EPB41L2: variants seen among roughly 807,000 people sequenced by gnomAD.
EPB41L2 encodes erythrocyte membrane protein band 4.1 like 2.
EPB41L2 carries 43 observed loss-of-function variants against 113.0 expected under a neutral mutation model. The ratio of observed to expected loss-of-function variants is 0.38; its 90% CI spans 0.30 to 0.49. The LOEUF (loss-of-function observed/expected upper bound fraction) is 0.49. Ranked by LOEUF, EPB41L2 falls within the 20% of genes least tolerant of loss-of-function variation. EPB41L2 has a pLI of 0.95. For missense variants in EPB41L2, 1,147 were observed against 1,223.4 expected (o/e 0.94, Z 0.93); for synonymous variants, 442 against 436.7 (o/e 1.01, Z -0.15).
intron 1 of EPB41L2, among the ~76,000 whole-genome samples, chr6:131,032,698 G>T (rs1263839662): frequency 1.3e-5 from 2 of 152,140 alleles, no homozygotes; most frequent in Non-Finnish European, 2.9e-5. Flanking sequence ...AAAACTGTAT[G>T]AAAGAGGATG....
At position 131,007,353 on chromosome 6, in the gene EPB41L2, C is replaced by T. The variant is rs77454684; in HGVS notation, c.-14-50854G>A. ...CCGTAACTTTGTTTCCTGAGGCTTC[C>T]CCAGCCAAATGGAACTGTGAGTCAA... On this transcript the variant is annotated intron_variant, in intron 1 of 19. Coordinates refer to ENST00000337057, the MANE Select transcript of EPB41L2 (RefSeq NM_001431.4). Among the ~76,000 whole-genome samples the T allele has an allele frequency of 2.7e-3, 411 of 152,250 alleles. 1 individual carries two copies. The highest frequency in any genetic ancestry group is 9.3e-3 in the African/African-American group (388 of 41,530).
chr6:130,903,630 C>G (rs1796905510), intron 6 of EPB41L2, among the ~76,000 whole-genome samples: 2 of 151,870 alleles, frequency 1.3e-5, no homozygotes, highest in African/African-American at 4.8e-5. Flanking sequence ...TTGTACTTGA[C>G]CATGTAAGTA....
chr6:130,882,559 G>A (rs1352062199), intron 12 of EPB41L2: 1 of 152,672 alleles, frequency 6.5e-6, no homozygotes, highest in African/African-American at 2.4e-5. Context: ...TCAAGTCACA[G>A]TCATAAGAAA....
intron 1 of EPB41L2, among the ~76,000 whole-genome samples, chr6:130,962,847 A>G (rs1239383806): frequency 2.0e-5 from 3 of 152,028 alleles, no homozygotes; most frequent in African/African-American, 7.2e-5. Flanking sequence ...GGTAGCTTCT[A>G]TTGGTCTAGG....
intron 18 of EPB41L2, among the ~76,000 whole-genome samples, chr6:130,862,335 C>T (rs1782393073): frequency 6.6e-6 from 1 of 152,024 alleles, no homozygotes; most frequent in Non-Finnish European, 1.5e-5. Flanking sequence ...GGGAGAAGAC[C>T]CTAGTTTGCA....
intron 12 of EPB41L2, among the ~76,000 whole-genome samples, chr6:130,884,885 T>C (rs1285994541): frequency 1.3e-5 from 2 of 152,236 alleles, no homozygotes; most frequent in African/African-American, 4.8e-5. Context: ...GTAAATTACT[T>C]ACTTGCATTA....
chr6:130,864,657 G>A (rs2128437794), intron 17 of EPB41L2, among the ~76,000 whole-genome samples: 1 of 152,324 alleles, frequency 6.6e-6, no homozygotes, highest in South Asian at 2.1e-4. Context: ...TCAGTCACAA[G>A]TGACAGCATT....
chr6:130,966,530 C>T (rs550623624), intron 1 of EPB41L2, among the ~76,000 whole-genome samples: 13 of 152,232 alleles, frequency 8.5e-5, no homozygotes, highest in Admixed American at 2.6e-4. Flanking sequence ...CACATACACA[C>T]ACACATTTTC....
At chr6:130,958,468 C>CAAAAAAA (rs200548809) in intron 1 of EPB41L2, among the ~76,000 whole-genome samples, 213 of 112,376 alleles carry the variant, frequency 1.9e-3, no homozygotes, top group Non-Finnish European at 2.4e-3. Flanking sequence ...ACAACAACAA[C>CAAAAAAA]AAAAAAAAAA....
At chr6:130,959,181 T>C (rs548955428) in intron 1 of EPB41L2, among the ~76,000 whole-genome samples, 1 of 152,204 alleles carries the variant, frequency 6.6e-6, no homozygotes, top group African/African-American at 2.4e-5. Context: ...AGGGTGATGG[T>C]AGAACCATTC....
At chr6:130,928,221 T>C in intron 3 of EPB41L2, among the ~76,000 whole-genome samples, 1 of 152,234 alleles carries the variant, frequency 6.6e-6, no homozygotes, top group Non-Finnish European at 1.5e-5. Flanking sequence ...ATGTGCTTGT[T>C]TGTCTACATA....
intron 1 of EPB41L2, among the ~76,000 whole-genome samples, chr6:131,005,121 A>C (rs189576692): frequency 8.5e-5 from 13 of 152,312 alleles, no homozygotes; most frequent in Admixed American, 5.2e-4. Flanking sequence ...AAAAAGGAAG[A>C]AGCTGCAACT....
chr6:131,004,203 T>C (rs980147661), intron 1 of EPB41L2, among the ~76,000 whole-genome samples: 4 of 152,058 alleles, frequency 2.6e-5, no homozygotes, highest in Non-Finnish European at 5.9e-5. Context: ...AAAAAAGAAC[T>C]ATACATACTC....
At chr6:130,938,412 A>T (rs1809630692) in intron 3 of EPB41L2, among the ~76,000 whole-genome samples, 1 of 152,212 alleles carries the variant, frequency 6.6e-6, no homozygotes. Context: ...TCACCACTGG[A>T]GTGTGGAGGG....
At chr6:131,042,361 C>A (rs1175899579) in intron 1 of EPB41L2, among the ~76,000 whole-genome samples, 3 of 152,064 alleles carry the variant, frequency 2.0e-5, no homozygotes, top group Non-Finnish European at 1.5e-5. Context: ...ACACTACAAG[C>A]CTGATACAAC....
At chr6:130,857,063 C>T (rs1780463451) in intron 19 of EPB41L2, among the ~76,000 whole-genome samples, 1 of 152,018 alleles carries the variant, frequency 6.6e-6, no homozygotes, top group Non-Finnish European at 1.5e-5. Context: ...AAGATAAATT[C>T]TTATAAGTAG....
intron 1 of EPB41L2, among the ~76,000 whole-genome samples, chr6:130,964,844 A>G (rs751474303): frequency 1.6e-4 from 25 of 152,250 alleles, no homozygotes; most frequent in South Asian, 1.0e-3. Flanking sequence ...AAGAGGATAG[A>G]TGGGTTGGTC....
intron 1 of EPB41L2, among the ~76,000 whole-genome samples, chr6:131,059,685 A>ACTC (rs1798301058): frequency 6.6e-6 from 1 of 152,216 alleles, no homozygotes; most frequent in African/African-American, 2.4e-5. Flanking sequence ...AGAGGAAGAG[A>ACTC]CTAGGGCTAA....
At position 130,956,257 on chromosome 6, in the gene EPB41L2, A is replaced by G; in HGVS notation, c.229T>C (p.Phe77Leu). 1 of 1,614,060 alleles carries G rather than the reference A, an allele frequency of 6.2e-7. No homozygotes were observed. The highest frequency in any genetic ancestry group is 8.5e-7 in the Non-Finnish European group (1 of 1,180,016). The change falls in exon 2 of 20, where the codon TTC becomes CTC. Residue 77 changes from phenylalanine (F) to leucine (L), a missense_variant. Transcript: ENST00000337057. Reference sequence around the variant, plus strand: ...TGCTTCTTAAGCCATGGCGGTATGAACCGAGAAATACCCCTGCTCTCCGAT... The same window carrying G: ...TGCTTCTTAAGCCATGGCGGTATGAGCCGAGAAATACCCCTGCTCTCCGAT... ...ETSESRGISR[F>L]IPPWLKKQKS...
Sources: gnomAD v4.1 joint callset for allele counts (sites outside exome capture counted in the v4.1 genomes callset) on GRCh38, gnomAD v4.1.1 for gene constraint, MANE v1.5 for transcripts, NCBI Gene and HGNC (gene_info 2026-07-23, HGNC 2026-07-21) for gene names.